OFD1: variants seen among roughly 807,000 people sequenced by gnomAD.
OFD1 encodes OFD1 centriole and centriolar satellite protein.
Under a neutral mutation model 81.4 loss-of-function variants are expected in OFD1, and 12 were observed. The observed-to-expected ratio is 0.15, with a 90% confidence interval of 0.09 to 0.24. The LOEUF (loss-of-function observed/expected upper bound fraction) is 0.24, where lower values mean the gene tolerates loss of function less well. Among genes scored for constraint, OFD1 ranks in the 10% least tolerant of loss-of-function variants. OFD1 has a pLI of 1.00. For synonymous variants in OFD1, 256 were observed against 263.7 expected, an observed-to-expected ratio of 0.97 and a Z score of 0.28; for missense variants, 685 against 733.9, an observed-to-expected ratio of 0.93 and a Z score of 0.77.
At chrX:13,729,498 A>G in the OFD1 span, among the ~76,000 whole-genome samples, 8 of 107,872 alleles carry the variant, frequency 7.4e-5, no homozygotes, top group African/African-American at 1.0e-4. Context: ...AGAAATGGGG[A>G]AAGGATTCCC....
At chrX:13,717,969 A>C in the OFD1 span, among the ~76,000 whole-genome samples, 6 of 112,027 alleles carry the variant, frequency 5.4e-5, no homozygotes, top group Non-Finnish European at 1.1e-4. Context: ...AGATGCACAC[A>C]GGGAGAAAAA....
At chrX:13,770,456 T>C (rs989166873), downstream of OFD1, among the ~76,000 whole-genome samples, 1 of 112,154 alleles carries the variant, frequency 8.9e-6, no homozygotes, top group African/African-American at 3.2e-5. Context: ...TGTTGAGAGG[T>C]AAGAGTTTAA....
chrX:13,745,259 G>T (rs1056711618), intron 6 of OFD1, among the ~76,000 whole-genome samples: 1 of 112,257 alleles, frequency 8.9e-6, no homozygotes, highest in Non-Finnish European at 1.9e-5. Context: ...GTGCTGTTCA[G>T]TGGTGTGAGC....
chrX:13,735,222 T>TA, intron 1 of OFD1, 26 bp from the exon 2 acceptor site: 3 of 1,199,775 alleles, frequency 2.5e-6, no homozygotes, highest in Non-Finnish European at 3.4e-6. Flanking sequence ...GCCCCGCAGG[T>TA]AACCTATAAC....
chrX:13,738,651 C>T, intron 3 of OFD1, 195 bp from the exon 4 acceptor site: 1 of 390,047 alleles, frequency 2.6e-6, no homozygotes, highest in Non-Finnish European at 4.5e-6. Flanking sequence ...ATATTTTATC[C>T]TTTTGACCTT....
chrX:13,717,219 C>A, the OFD1 span, among the ~76,000 whole-genome samples: 1 of 110,408 alleles, frequency 9.1e-6, no homozygotes, highest in Non-Finnish European at 1.9e-5. Context: ...CTTTCCAGTG[C>A]ATGGAGCTTA....
chrX:13,730,969 T>C (rs1416899572), upstream of OFD1, among the ~76,000 whole-genome samples: 1 of 110,396 alleles, frequency 9.1e-6, no homozygotes, highest in Admixed American at 9.6e-5. Context: ...CTAATGTAAA[T>C]GATGAGTTAA....
chrX:13,719,054 G>A, the OFD1 span, among the ~76,000 whole-genome samples: 3 of 111,050 alleles, frequency 2.7e-5, no homozygotes, highest in East Asian at 2.8e-4. Context: ...CTACCTGGGA[G>A]GCTAATACAG....
In OFD1 at chrX:13,746,827, A is replaced by C. The variant is rs1410288887; in HGVS notation, c.702A>C (p.Ala234=). The change falls in exon 8 of 23, where the codon GCA becomes GCC. Residue 234 remains alanine, a synonymous_variant. Transcript: ENST00000340096. ...AGATAGCAAAAATTAAAATGGAAGC[A>C]AAAAAAAAGTATGAAAAGGAGTTAA... The part of the protein sequence containing the change: ...DTEIAKIKME[A]KKKYEKELTM... 2.7e-6 allele frequency: 3 copies of C among 1,129,480 alleles called. No individual in the cohort carries two copies. Among genetic ancestry groups the C allele is most frequent in the East Asian group, 3.1e-5 (1 of 32,303 alleles). 93.1% of individuals were successfully genotyped at this position (1,129,480 alleles called of 1,213,427 possible).
intron 7 of OFD1, 23 bp from the exon 8 acceptor site, chrX:13,746,757 A>G (rs923332907): frequency 8.7e-7 from 1 of 1,155,108 alleles, no homozygotes; most frequent in Non-Finnish European, 1.2e-6. Context: ...TGGTATTTTT[A>G]ATTTTTTGTG....
At chrX:13,773,107 A>G, downstream of OFD1, 2 of 940,154 alleles carry the variant, frequency 2.1e-6, no homozygotes, top group Non-Finnish European at 3.0e-6. Flanking sequence ...GATTAGACAG[A>G]CTTGACTTTA....
the OFD1 span, chrX:13,715,855 C>T: frequency 1.5e-5 from 15 of 990,005 alleles, no homozygotes; most frequent in South Asian, 1.4e-4. Flanking sequence ...GACTTACCTG[C>T]GGAGGGAGTT....
At chrX:13,767,346 T>G in intron 20 of OFD1, 62 bp downstream of exon 20, 9 of 1,135,338 alleles carry the variant, frequency 7.9e-6, no homozygotes, top group Non-Finnish European at 1.1e-5. Context: ...CGTAAGTACA[T>G]TGAGCTCAGG....
At chrX:13,753,796 A>G (rs1053259370) in intron 11 of OFD1, among the ~76,000 whole-genome samples, 1 of 87,111 alleles carries the variant, frequency 1.1e-5, no homozygotes, top group African/African-American at 5.1e-5. Context: ...TTTATTTTTC[A>G]CTTACGGAAA....
intron 5 of OFD1, among the ~76,000 whole-genome samples, chrX:13,739,494 C>T (rs1396427027): frequency 9.0e-6 from 1 of 111,350 alleles, no homozygotes; most frequent in Non-Finnish European, 1.9e-5. Context: ...GCCTGTAATC[C>T]CAGCACTTTG....
At chrX:13,754,687 C>G (rs976800487) in intron 11 of OFD1, among the ~76,000 whole-genome samples, 2 of 112,602 alleles carry the variant, frequency 1.8e-5, no homozygotes, top group African/African-American at 6.5e-5. Flanking sequence ...GGATTACAGG[C>G]GTGAGCCACT....
chrX:13,738,222 A>G (rs5978661), intron 3 of OFD1, among the ~76,000 whole-genome samples: 25,799 of 111,777 alleles, frequency 0.23, 2,737 homozygotes, highest in Non-Finnish European at 0.33. Context: ...GTAATAGTCA[A>G]TAATACAATT....
chrX:13,755,946 C>CTTTTTT (rs34300430), intron 12 of OFD1, among the ~76,000 whole-genome samples: 19 of 65,087 alleles, frequency 2.9e-4, no homozygotes, highest in Admixed American at 4.5e-4. Flanking sequence ...CTTTCTTTCC[C>CTTTTTT]TTTTTTTTTT....
intron 9 of OFD1, 75 bp downstream of exon 9, chrX:13,749,608 T>C (rs1405884221): frequency 4.7e-6 from 3 of 636,866 alleles, no homozygotes; most frequent in Non-Finnish European, 7.7e-6. Flanking sequence ...TATCTAAATA[T>C]TCTAATGTTC....
Sources: allele counts gnomAD v4.1 joint callset (sites outside exome capture counted in the v4.1 genomes callset), GRCh38; gene constraint gnomAD v4.1.1; transcripts MANE v1.5; gene names NCBI Gene and HGNC (gene_info 2026-07-23, HGNC 2026-07-21).